Variants in UBL4A observed in about 807,000 individuals in gnomAD.
UBL4A encodes the protein ubiquitin like 4A.
UBL4A carries 4 observed loss-of-function variants against 11.4 expected under a neutral mutation model. That is an observed-to-expected ratio of 0.35 (90% CI 0.17 to 0.81). UBL4A has a LOEUF of 0.81. Among genes scored for constraint, UBL4A ranks in the 30% least tolerant of loss-of-function variants. The probability of loss-of-function intolerance (pLI) is 0.52; values close to 1 mark genes in which losing one functional copy is unlikely to be tolerated. For synonymous variants in UBL4A, 72 were observed against 61.2 expected (o/e 1.18, Z -0.83); for missense variants, 112 against 124.9 (o/e 0.90, Z 0.49).
At chrX:154,486,090 G>A (rs1557212853) in intron 2 of UBL4A, 111 bp from the exon 3 acceptor site, 1 of 1,052,216 alleles carries the variant, frequency 9.5e-7, no homozygotes, top group Non-Finnish European at 1.3e-6. Context: ...CCGGCTGTGA[G>A]GCATGCGGCC....
In UBL4A at chrX:154,485,995, C is replaced by G. The variant is rs781792862; in HGVS notation, c.155-16G>C. The G allele has an allele frequency of 4.3e-5, 52 of 1,202,673 alleles. No homozygotes were observed. Among genetic ancestry groups the G allele is most frequent in the Non-Finnish European group, 5.5e-5 (49 of 892,947 alleles). On this transcript the variant is annotated splice_polypyrimidine_tract_variant and intron_variant, in intron 2 of 3. Coordinates refer to ENST00000369660, the MANE Select transcript of UBL4A (RefSeq NM_014235.5). ...CGTTTCCCATCTGCCAAAGACAGATCGATGGGTTCCTCCTCCTCCACCGCC... is the reference window on the plus strand; with the variant it reads ...CGTTTCCCATCTGCCAAAGACAGATGGATGGGTTCCTCCTCCTCCACCGCC...
Position 154,485,499 on chromosome X carries a change from G to A in UBL4A, c.*40C>T, listed in dbSNP as rs2069289021. The stretch of plus-strand genomic sequence containing the variant: ...GAACACACTTAGTGCGACATGCAGC[G>A]GTAGCCTGGCGTTGGGCACCTCCCC... On this transcript the variant is annotated 3_prime_UTR_variant, in exon 4 of 4. Coordinates refer to ENST00000369660, the MANE Select transcript of UBL4A (RefSeq NM_014235.5). 7 of 1,153,172 alleles carry A rather than the reference G, an allele frequency of 6.1e-6. No homozygotes were observed. Among genetic ancestry groups the A allele is most frequent in the South Asian group, 3.6e-5 (2 of 55,661 alleles).
In UBL4A at chrX:154,483,755, T is replaced by C. The variant is rs1213192851; in HGVS notation, c.*1784A>G. Reference sequence around the variant, plus strand: ...GAAGAGTGTTTATTTGCTGGGGGCATCTGAGACAGCAGAGGTGGTACACAG... The same window carrying C: ...GAAGAGTGTTTATTTGCTGGGGGCACCTGAGACAGCAGAGGTGGTACACAG... On this transcript the variant is annotated 3_prime_UTR_variant, in exon 4 of 4. Coordinates refer to ENST00000369660, the MANE Select transcript of UBL4A (RefSeq NM_014235.5). 1.8e-5 allele frequency: 2 copies of C among 112,036 alleles called. No individual in the cohort carries two copies. The highest frequency in any genetic ancestry group is 3.8e-5 in the Non-Finnish European group (2 of 53,085). 9.2% of individuals were successfully genotyped at this position (112,036 alleles called of 1,213,427 possible). A position where few individuals can be genotyped will look rare whatever the true frequency, so the allele number is the denominator to read the frequency against.
rs1266627109 is a variant in UBL4A, at chrX:154,484,476, A to T, written c.*1063T>A. The T allele has an allele frequency of 8.9e-6, 1 of 112,799 alleles. No individual in the cohort carries two copies. Among genetic ancestry groups the T allele is most frequent in the African/African-American group, 3.2e-5 (1 of 31,076 alleles). 9.3% of individuals were successfully genotyped at this position (112,799 alleles called of 1,213,427 possible). Reference sequence around the variant, plus strand: ...TCTACCACCCCTGGGGGCCTCCTCCAAGGAGCAGGTGGTTAGATGTCCTCT... The same window carrying T: ...TCTACCACCCCTGGGGGCCTCCTCCTAGGAGCAGGTGGTTAGATGTCCTCT... On this transcript the variant is annotated 3_prime_UTR_variant, in exon 4 of 4. Coordinates refer to ENST00000369660, the MANE Select transcript of UBL4A (RefSeq NM_014235.5).
At position 154,485,432 on chromosome X, in the gene UBL4A, T is replaced by C. The variant is rs782520224; in HGVS notation, c.*107A>G. 4.6e-6 allele frequency: 4 copies of C among 871,767 alleles called. No individual in the cohort carries two copies. The South Asian group carries it at 8.0e-5, about 17-fold the overall frequency. 71.8% of individuals were successfully genotyped at this position (871,767 alleles called of 1,213,427 possible). A position where few individuals can be genotyped will look rare whatever the true frequency, so the allele number is the denominator to read the frequency against. On this transcript the variant is annotated 3_prime_UTR_variant, in exon 4 of 4. Transcript: ENST00000369660. Reference sequence around the variant, plus strand: ...TGCCTAGCACCTGGCCAGAGCCAGGTACATGCCAGCTATGATGATGATGAG... The same window carrying C: ...TGCCTAGCACCTGGCCAGAGCCAGGCACATGCCAGCTATGATGATGATGAG...
In UBL4A at chrX:154,486,277, G is replaced by A. The variant is rs782395028; in HGVS notation, c.105C>T (p.Asn35=). 13 of 1,157,048 alleles carry A rather than the reference G, an allele frequency of 1.1e-5. No homozygotes were observed. In the Admixed American group the frequency reaches 2.8e-4, roughly 25 times the overall value. Residue 35 remains asparagine, a synonymous_variant, in exon 2 of 4, where the codon AAC becomes AAT. Transcript: ENST00000369660. The stretch of plus-strand genomic sequence containing the variant: ...GCAGCCGCTGCTGGCGCACTGGGAC[G>A]TTCAGCTTCTCGGAGACCAGCTGCT... The part of the protein sequence containing the change: ...TLKQLVSEKL[N]VPVRQQRLLF...
rs899228256 is a variant in UBL4A, at chrX:154,484,485, G to T, written c.*1054C>A. On this transcript the variant is annotated 3_prime_UTR_variant, in exon 4 of 4. Transcript: ENST00000369660. ...CCTGGGGGCCTCCTCCAAGGAGCAG[G>T]TGGTTAGATGTCCTCTTGTGCCCAC... 2 of 112,971 alleles carry T rather than the reference G, an allele frequency of 1.8e-5. No homozygotes were observed. Among genetic ancestry groups the T allele is most frequent in the Non-Finnish European group, 3.7e-5 (2 of 53,338 alleles). 9.3% of individuals were successfully genotyped at this position (112,971 alleles called of 1,213,427 possible).
intron 2 of UBL4A, 57 bp downstream of exon 2, chrX:154,486,171 G>A: frequency 9.0e-7 from 1 of 1,106,308 alleles, no homozygotes; most frequent in East Asian, 3.6e-5. Flanking sequence ...GCCTCGGCCC[G>A]CGCACCCCGG....
At chrX:154,486,439 C>T in intron 1 of UBL4A, 98 bp downstream of exon 1, 2 of 971,850 alleles carry the variant, frequency 2.1e-6, no homozygotes, top group Non-Finnish European at 2.6e-6. Context: ...CGGCCCTCGG[C>T]CCGGCCGCCC....
intron 2 of UBL4A, 86 bp from the exon 3 acceptor site, chrX:154,486,065 G>C: frequency 9.0e-7 from 1 of 1,108,805 alleles, no homozygotes; most frequent in South Asian, 1.9e-5. Context: ...CGGCGGGAGC[G>C]GAGCGCTGCG....
intron 1 of UBL4A, 43 bp downstream of exon 1, chrX:154,486,494 G>A (rs1414942264): frequency 1.9e-6 from 2 of 1,033,454 alleles, no homozygotes; most frequent in South Asian, 2.6e-5. Context: ...AGGAGCGGGC[G>A]AGAGAGCGCG....
At position 154,486,101 on chromosome X, in the gene UBL4A, G is replaced by A. The variant is rs782719783; in HGVS notation, c.155-122C>T. On this transcript the variant is annotated intron_variant, in intron 2 of 3. Coordinates refer to ENST00000369660, the MANE Select transcript of UBL4A (RefSeq NM_014235.5). ...GCATCCGGCTGTGAGGCATGCGGCCGCCTCCCTTGGGGTCATGTGGCGCTT... is the reference window on the plus strand; with the variant it reads ...GCATCCGGCTGTGAGGCATGCGGCCACCTCCCTTGGGGTCATGTGGCGCTT... 8.2e-5 allele frequency: 85 copies of A among 1,034,825 alleles called. No homozygotes were observed. The South Asian group carries it at 1.2e-3, about 14-fold the overall frequency. 85.3% of individuals were successfully genotyped at this position (1,034,825 alleles called of 1,213,427 possible).
In UBL4A at chrX:154,485,190, C is replaced by T. The variant is rs186887450; in HGVS notation, c.*349G>A. On this transcript the variant is annotated 3_prime_UTR_variant, in exon 4 of 4. Transcript: ENST00000369660. Reference sequence around the variant, plus strand: ...TGACAGCTGCTTTCCCTTTCAGGATCGGGAGGGAGTCACCTGAGGGTATAT... The same window carrying T: ...TGACAGCTGCTTTCCCTTTCAGGATTGGGAGGGAGTCACCTGAGGGTATAT... The T allele has an allele frequency of 4.4e-5, 19 of 434,195 alleles. No homozygotes were observed. The East Asian group carries it at 5.8e-4, about 13-fold the overall frequency. The allele number at this position is 434,195 out of a possible 1,213,427, so 35.8% of individuals were successfully genotyped here. A position where few individuals can be genotyped will look rare whatever the true frequency, so the allele number is the denominator to read the frequency against.
rs373941601 is a variant in UBL4A, at chrX:154,486,349, G to A, written c.49-16C>T. 9.7e-6 allele frequency: 11 copies of A among 1,129,033 alleles called. No individual in the cohort carries two copies. Among genetic ancestry groups the A allele is most frequent in the Middle Eastern group, 2.4e-4 (1 of 4,168 alleles). 93.0% of individuals were successfully genotyped at this position (1,129,033 alleles called of 1,213,427 possible). On this transcript the variant is annotated splice_polypyrimidine_tract_variant and intron_variant, in intron 1 of 3. Coordinates refer to ENST00000369660, the MANE Select transcript of UBL4A (RefSeq NM_014235.5). The stretch of plus-strand genomic sequence containing the variant: ...CCTCTGGCACCTGGCCGCGCGGAGG[G>A]TGGGAGGCAAGGGTTGAGCCCGCGG...
At chrX:154,486,125 T>C in intron 2 of UBL4A, 103 bp downstream of exon 2, 9 of 1,035,949 alleles carry the variant, frequency 8.7e-6, no homozygotes, top group Non-Finnish European at 1.2e-5. Flanking sequence ...CATGTGGCGC[T>C]TGGCGCCCGC....
In UBL4A at chrX:154,485,288, C is replaced by A. The variant is rs782421307; in HGVS notation, c.*251G>T. 2 of 500,300 alleles carry A rather than the reference C, an allele frequency of 4.0e-6. No individual in the cohort carries two copies. Among genetic ancestry groups the A allele is most frequent in the East Asian group, 3.6e-5 (1 of 27,564 alleles). The allele number at this position is 500,300 out of a possible 1,213,427, so 41.2% of individuals were successfully genotyped here. ...CCCCTTCCTCCTTCTCACACCAAGG[C>A]ACTTTCAGAAGCCGCTGGATTCCGA... On this transcript the variant is annotated 3_prime_UTR_variant, in exon 4 of 4. Transcript: ENST00000369660.
At chrX:154,486,061 G>A (rs1557212838) in intron 2 of UBL4A, 82 bp from the exon 3 acceptor site, 1 of 1,129,374 alleles carries the variant, frequency 8.9e-7, no homozygotes, top group South Asian at 1.9e-5. Flanking sequence ...CGGGCGGCGG[G>A]AGCGGAGCGC....
rs2069282680 is a variant in UBL4A at position 154,484,532 on chromosome X, G to T, written c.*1007C>A. ...CCACACACACGGCAGGGTGGAGGAG[G>T]ATGAACCGGAACCCAGTCCATGCTT... On this transcript the variant is annotated 3_prime_UTR_variant, in exon 4 of 4. Coordinates refer to ENST00000369660, the MANE Select transcript of UBL4A (RefSeq NM_014235.5). The T allele has an allele frequency of 8.9e-6, 1 of 112,718 alleles. No individual in the cohort carries two copies. Among genetic ancestry groups the T allele is most frequent in the Non-Finnish European group, 1.9e-5 (1 of 53,310 alleles). 9.3% of individuals were successfully genotyped at this position (112,718 alleles called of 1,213,427 possible).
In UBL4A at chrX:154,483,751, G is replaced by A. The variant is rs1308440248; in HGVS notation, c.*1788C>T. On this transcript the variant is annotated 3_prime_UTR_variant, in exon 4 of 4. Transcript: ENST00000369660. The stretch of plus-strand genomic sequence containing the variant: ...ACGAGAAGAGTGTTTATTTGCTGGG[G>A]GCATCTGAGACAGCAGAGGTGGTAC... 1.8e-5 allele frequency: 2 copies of A among 112,121 alleles called. No homozygotes were observed. The highest frequency in any genetic ancestry group is 3.2e-5 in the African/African-American group (1 of 30,816). The allele number at this position is 112,121 out of a possible 1,213,427, so 9.2% of individuals were successfully genotyped here.
Sources: allele counts gnomAD v4.1 joint callset, GRCh38; gene constraint gnomAD v4.1.1; transcripts MANE v1.5; gene names NCBI Gene and HGNC (gene_info 2026-07-23, HGNC 2026-07-21).